The following ZFYVE1 variants were observed in gnomAD, a reference collection of about 807,000 sequenced individuals.
ZFYVE1 encodes the protein zinc finger FYVE domain-containing protein 1.
In ZFYVE1, 30 loss-of-function variants were observed where a neutral mutation model predicts 74.4. That is an observed-to-expected ratio of 0.40 (90% CI 0.30 to 0.55). The LOEUF (loss-of-function observed/expected upper bound fraction) is 0.55, where lower values mean the gene tolerates loss of function less well. Among genes scored for constraint, ZFYVE1 ranks in the 20% least tolerant of loss-of-function variants. ZFYVE1 has a pLI of 0.42. For synonymous variants in ZFYVE1, 335 were observed against 385.1 expected (o/e 0.87, Z 1.52); for missense variants, 703 against 1,011.6 (o/e 0.69, Z 4.14).
chr14:73,000,056 C>T (rs1893837248), intron 2 of ZFYVE1, among the ~76,000 whole-genome samples: 2 of 151,920 alleles, frequency 1.3e-5, no homozygotes, highest in Non-Finnish European at 2.9e-5. Flanking sequence ...AAGAACCTGT[C>T]TCAAAAAATA....
chr14:72,979,669 A>G (rs1002454501), intron 5 of ZFYVE1, among the ~76,000 whole-genome samples: 80 of 151,188 alleles, frequency 5.3e-4, no homozygotes, highest in Non-Finnish European at 2.8e-4. Context: ...AAAAAAAAAA[A>G]TACACCCAGA....
chr14:72,979,240 C>T (rs1893260956), intron 5 of ZFYVE1: 1 of 365,906 alleles, frequency 2.7e-6, no homozygotes, highest in South Asian at 2.7e-5. Context: ...TGGCTCACGT[C>T]TGTAATCCCA....
At chr14:73,023,667 A>AATCAGTTTT (rs1245367418) in intron 2 of ZFYVE1, among the ~76,000 whole-genome samples, 1 of 151,814 alleles carries the variant, frequency 6.6e-6, no homozygotes, top group Non-Finnish European at 1.5e-5. Flanking sequence ...GAAATGTTTT[A>AATCAGTTTT]AATCAGTTTG....
At chr14:72,978,562 GTC>G (rs1893237482) in intron 6 of ZFYVE1, among the ~76,000 whole-genome samples, 1 of 69,782 alleles carries the variant, frequency 1.4e-5, no homozygotes, top group Non-Finnish European at 2.4e-5. Context: ...GCAAGACTCT[GTC>G]TCAAAAAAAA....
intron 2 of ZFYVE1, among the ~76,000 whole-genome samples, chr14:73,019,076 C>G (rs1443634699): frequency 1.3e-5 from 2 of 152,288 alleles, no homozygotes; most frequent in East Asian, 3.9e-4. Flanking sequence ...GACCAACAGT[C>G]AGTCTCTTCT....
intron 4 of ZFYVE1, among the ~76,000 whole-genome samples, chr14:72,988,097 G>C (rs1893524260): frequency 6.6e-6 from 1 of 151,870 alleles, no homozygotes; most frequent in Non-Finnish European, 1.5e-5. Flanking sequence ...ACAAAAAGTA[G>C]TACTTTGACT....
At chr14:73,019,927 G>A (rs1005593050) in intron 2 of ZFYVE1, among the ~76,000 whole-genome samples, 1 of 151,318 alleles carries the variant, frequency 6.6e-6, no homozygotes, top group African/African-American at 2.4e-5. Context: ...CTCCAGCCGG[G>A]GCAACAGAGT....
chr14:73,022,164 C>T (rs1334331104), intron 2 of ZFYVE1, among the ~76,000 whole-genome samples: 3 of 152,170 alleles, frequency 2.0e-5, no homozygotes, highest in African/African-American at 7.2e-5. Context: ...AAGACATTAT[C>T]GCTGACAAGG....
At chr14:73,020,464 T>G (rs1894294951) in intron 2 of ZFYVE1, among the ~76,000 whole-genome samples, 1 of 152,126 alleles carries the variant, frequency 6.6e-6, no homozygotes. Flanking sequence ...GCGATTCTCC[T>G]GCCTCAGCCT....
chr14:72,974,018 A>G (rs557134815), intron 11 of ZFYVE1, 62 bp downstream of exon 11: 37 of 1,477,116 alleles, frequency 2.5e-5, no homozygotes, highest in Admixed American at 3.4e-5. Context: ...GTGACAGCCC[A>G]GGGCACCTGA....
chr14:73,024,695 G>A lies in ZFYVE1; in HGVS notation c.-187C>T, dbSNP rs1894418781. ...CAAATGTTCAAATTTTTAATTTGCT[G>A]CCTCTAAGACTCTTGTATTAGCAGC... On this transcript the variant is annotated 5_prime_UTR_variant, in exon 2 of 12. Coordinates refer to ENST00000556143, the MANE Select transcript of ZFYVE1 (RefSeq NM_021260.4). 1.2e-6 allele frequency: 1 copy of A among 850,268 alleles called. No individual in the cohort carries two copies. The highest frequency in any genetic ancestry group is 1.7e-5 in the African/African-American group (1 of 58,634). 52.7% of individuals were successfully genotyped at this position (850,268 alleles called of 1,614,324 possible).
At chr14:72,996,627 T>A (rs1893755271) in intron 3 of ZFYVE1, among the ~76,000 whole-genome samples, 1 of 152,192 alleles carries the variant, frequency 6.6e-6, no homozygotes, top group Non-Finnish European at 1.5e-5. Flanking sequence ...CTAGAGCATC[T>A]TCTTCCCCTC....
At chr14:73,002,695 C>T (rs1893897305) in intron 2 of ZFYVE1, among the ~76,000 whole-genome samples, 1 of 151,034 alleles carries the variant, frequency 6.6e-6, no homozygotes, top group Non-Finnish European at 1.5e-5. Context: ...GGAAGCTTCA[C>T]ATCAAGTATC....
chr14:73,013,459 T>G (rs1894128845), intron 2 of ZFYVE1, among the ~76,000 whole-genome samples: 1 of 151,962 alleles, frequency 6.6e-6, no homozygotes, highest in Non-Finnish European at 1.5e-5. Context: ...AATGCAAAAA[T>G]TAGCCGGGCA....
intron 2 of ZFYVE1, among the ~76,000 whole-genome samples, chr14:73,000,040 C>G (rs1893836808): frequency 6.6e-6 from 1 of 151,962 alleles, no homozygotes; most frequent in African/African-American, 2.4e-5. Flanking sequence ...GTCTGGGTGA[C>G]AGAACAAGAA....
In ZFYVE1 at chr14:72,975,830, T is replaced by TA; in HGVS notation, c.1636-110dup. 1 of 1,297,440 alleles carries TA rather than the reference T, an allele frequency of 7.7e-7. No individual in the cohort carries two copies. The highest frequency in any genetic ancestry group is 2.3e-5 in the East Asian group (1 of 42,586). 80.4% of individuals were successfully genotyped at this position (1,297,440 alleles called of 1,614,324 possible). A position where few individuals can be genotyped will look rare whatever the true frequency, so the allele number is the denominator to read the frequency against. On this transcript the variant is annotated intron_variant, in intron 8 of 11. Coordinates refer to ENST00000556143, the MANE Select transcript of ZFYVE1 (RefSeq NM_021260.4). This position sits in a 1 kb window ranked among gnomAD's most constrained non-coding sequence, Gnocchi z 4.1. ...CTCACCGTGGCCAACTCAGAACCACTAACTCCCTGGCAGGGAAGAACGGAG... is the reference window on the plus strand; with the variant it reads ...CTCACCGTGGCCAACTCAGAACCACTAAACTCCCTGGCAGGGAAGAACGGAG...
intron 2 of ZFYVE1, among the ~76,000 whole-genome samples, chr14:73,014,179 G>A (rs1894145713): frequency 6.6e-6 from 1 of 152,140 alleles, no homozygotes; most frequent in African/African-American, 2.4e-5. Flanking sequence ...ACTCACAGTG[G>A]TTTCGATGGC....
rs368557873 is a variant in ZFYVE1, at chr14:72,987,936, T to C, written c.1203+5207A>G. 8.3e-4 allele frequency among the ~76,000 whole-genome samples: 127 copies of C among 152,224 alleles called. 1 individual carries two copies. The South Asian group carries it at 0.025, about 30-fold the overall frequency. On this transcript the variant is annotated intron_variant, in intron 4 of 11. Transcript: ENST00000556143. Reference sequence around the variant, plus strand: ...TAGAGAAACCACTCCCAGGTATGTATGGGCAAGCCACTAGGGCAGAAAACA... The same window carrying C: ...TAGAGAAACCACTCCCAGGTATGTACGGGCAAGCCACTAGGGCAGAAAACA...
Position 72,975,884 on chromosome 14 carries a change from C to G in ZFYVE1, c.1636-163G>C. On this transcript the variant is annotated intron_variant, in intron 8 of 11. Transcript: ENST00000556143. The surrounding 1 kb of genome is among the most constrained non-coding windows in gnomAD (Gnocchi z 4.1). ...CACCAGGAATCCCTCTGGCTTTATT[C>G]TCTTCAAAGTGACCATAAGACTTGA... is the stretch of plus-strand genomic sequence containing the variant. 2.7e-6 allele frequency: 2 copies of G among 751,650 alleles called. No homozygotes were observed. The highest frequency in any genetic ancestry group is 1.9e-5 in the South Asian group (1 of 53,404). 46.6% of individuals were successfully genotyped at this position (751,650 alleles called of 1,614,324 possible).
Sources: gnomAD v4.1 joint callset for allele counts (sites outside exome capture counted in the v4.1 genomes callset) on GRCh38, gnomAD v4.1.1 for gene constraint, Gnocchi (gnomAD v3.1) non-coding constraint, MANE v1.5 for transcripts, NCBI Gene and HGNC (gene_info 2026-07-23, HGNC 2026-07-21) for gene names.